The following ATRX variants were observed in gnomAD, a reference collection of about 807,000 sequenced individuals.
The protein encoded by ATRX is ATRX chromatin remodeler, also known as chromatin remodeler ATRX.
A neutral mutation model predicts 172.6 loss-of-function variants in ATRX; 12 were observed. The observed-to-expected ratio is 0.07, with a 90% CI of 0.04 to 0.11. The LOEUF (loss-of-function observed/expected upper bound fraction) is 0.11, where lower values mean the gene tolerates loss of function less well. Among genes scored for constraint, ATRX ranks in the 10% least tolerant of loss-of-function variants. The probability of loss-of-function intolerance (pLI) is 1.00; values close to 1 mark genes in which losing one functional copy is unlikely to be tolerated. For missense variants in ATRX, 1,368 were observed against 1,767.4 expected (o/e 0.77, Z 4.05); for synonymous variants, 674 against 594.7 (o/e 1.13, Z -1.94).
chrX:77,581,237 T>C (rs1274952327), intron 27 of ATRX, among the ~76,000 whole-genome samples: 2 of 111,399 alleles, frequency 1.8e-5, no homozygotes, highest in Non-Finnish European at 3.8e-5. Context: ...ACATTCAATG[T>C]AAATGGACTA....
intron 28 of ATRX, among the ~76,000 whole-genome samples, chrX:77,570,029 T>C (rs1201396385): frequency 3.6e-5 from 4 of 111,724 alleles, no homozygotes; most frequent in Non-Finnish European, 5.6e-5. Context: ...ACAGCTACAG[T>C]AATCAAGACT....
At chrX:77,669,022 G>A (rs2070407101) in intron 10 of ATRX, among the ~76,000 whole-genome samples, 1 of 111,470 alleles carries the variant, frequency 9.0e-6, no homozygotes, top group Non-Finnish European at 1.9e-5. Flanking sequence ...ATCAAGAGAA[G>A]GACCTCCTGC....
intron 1 of ATRX, among the ~76,000 whole-genome samples, chrX:77,780,720 C>A (rs1237011292): frequency 1.8e-5 from 2 of 109,218 alleles, no homozygotes; most frequent in Admixed American, 9.7e-5. Flanking sequence ...GCAGGAGGAT[C>A]GCTTAAGTCC....
intron 19 of ATRX, among the ~76,000 whole-genome samples, chrX:77,621,461 C>G (rs1409850359): frequency 9.0e-6 from 1 of 110,900 alleles, no homozygotes; most frequent in Non-Finnish European, 1.9e-5. Flanking sequence ...AGGTGCCCGC[C>G]ACCATGCCTG....
In ATRX at chrX:77,682,387, C is replaced by G. The variant is rs1557138704; in HGVS notation, c.2869G>C (p.Val957Leu). Residue 957 changes from valine to leucine, a missense_variant, in exon 9 of 35, where the codon GTA becomes CTA. Coordinates refer to ENST00000373344, the MANE Select transcript of ATRX (RefSeq NM_000489.6). ...KHLKTKTCKK[V>L]QDGLSDIAEK... ...GCAATATCAGATAAGCCATCCTGTA[C>G]TTTTTTACATGTTTTGGTTTTGAGA... 15 of 1,211,371 alleles carry G rather than the reference C, an allele frequency of 1.2e-5. No individual in the cohort carries two copies. The South Asian group carries it at 2.6e-4, about 21-fold the overall frequency.
In ATRX at chrX:77,724,116, T is replaced by C. The variant is rs1269187139; in HGVS notation, c.21-6873A>G. ...CAACATGGTGAAACCCCGTCTCCCC[T>C]AGAAACACAAAATTAGCCGGGCCTG... On this transcript the variant is annotated intron_variant, in intron 1 of 34. Transcript: ENST00000373344. Among the ~76,000 whole-genome samples, 7 of 110,106 alleles carry C rather than the reference T, an allele frequency of 6.4e-5. No individual in the cohort carries two copies. The Admixed American group carries it at 6.8e-4, about 11-fold the overall frequency.
At chrX:77,655,392 A>G (rs2069491962) in intron 13 of ATRX, among the ~76,000 whole-genome samples, 1 of 111,291 alleles carries the variant, frequency 9.0e-6, no homozygotes, top group African/African-American at 3.3e-5. Context: ...AGGCTACAAC[A>G]TGGATGAACC....
chrX:77,568,908 G>A (rs958925616), intron 28 of ATRX, among the ~76,000 whole-genome samples: 10 of 111,317 alleles, frequency 9.0e-5, no homozygotes, highest in East Asian at 2.8e-4. Flanking sequence ...ACACCTATTC[G>A]TCATAAAAAC....
At chrX:77,622,681 T>C (rs930654515) in intron 19 of ATRX, among the ~76,000 whole-genome samples, 3 of 111,499 alleles carry the variant, frequency 2.7e-5, no homozygotes, top group African/African-American at 9.8e-5. Context: ...AGGTGGGGGA[T>C]GAACTAAAGC....
At position 77,668,837 on chromosome X, in the gene ATRX, GA is replaced by G. The variant is rs782525215; in HGVS notation, c.3810-4060del. Among the ~76,000 whole-genome samples the G allele has an allele frequency of 4.2e-3, 355 of 84,009 alleles. 1 individual carries two copies. Among genetic ancestry groups the G allele is most frequent in the Non-Finnish European group, 6.6e-3 (277 of 42,031 alleles). 73.0% of individuals were successfully genotyped at this position (84,009 alleles called of 115,157 possible). ...ACACAATGACAAACAAGCAATCGGG[GA>G]AAAAAAAAAAAAAACATAGGAGAAA... is the stretch of plus-strand genomic sequence containing the variant. On this transcript the variant is annotated intron_variant, in intron 10 of 34. Coordinates refer to ENST00000373344, the MANE Select transcript of ATRX (RefSeq NM_000489.6).
intron 2 of ATRX, among the ~76,000 whole-genome samples, chrX:77,701,322 A>C (rs997827264): frequency 9.1e-6 from 1 of 110,019 alleles, no homozygotes; most frequent in African/African-American, 3.3e-5. Context: ...GACCAGCTTG[A>C]CCAATATGAT....
Position 77,574,392 on chromosome X carries a change from T to G in ATRX, c.6218-34A>C, listed in dbSNP as rs781888261. 1.2e-4 allele frequency: 124 copies of G among 1,014,238 alleles called. No homozygotes were observed. In the South Asian group the frequency reaches 2.3e-3, roughly 19 times the overall value. 83.6% of individuals were successfully genotyped at this position (1,014,238 alleles called of 1,213,427 possible). A position where few individuals can be genotyped will look rare whatever the true frequency, so the allele number is the denominator to read the frequency against. On this transcript the variant is annotated intron_variant, in intron 27 of 34. Coordinates refer to ENST00000373344, the MANE Select transcript of ATRX (RefSeq NM_000489.6). ...TTAACAAAAGAACACAAAAGGAATT[T>G]GATATATCGCTCTGCTTACTGGTAA...
chrX:77,736,190 G>C (rs1347133973), intron 1 of ATRX, among the ~76,000 whole-genome samples: 1 of 111,111 alleles, frequency 9.0e-6, no homozygotes, highest in Non-Finnish European at 1.9e-5. Context: ...CACAAGCACA[G>C]GTAACCAAAC....
intron 1 of ATRX, among the ~76,000 whole-genome samples, chrX:77,743,249 C>A (rs1307027695): frequency 1.8e-5 from 2 of 111,154 alleles, no homozygotes; most frequent in Admixed American, 9.6e-5. Flanking sequence ...AGGAACTCCG[C>A]CTGGACTGGG....
At chrX:77,663,262 G>A (rs2070026622) in intron 12 of ATRX, 120 bp downstream of exon 12, 1 of 794,468 alleles carries the variant, frequency 1.3e-6, no homozygotes, top group Admixed American at 2.3e-5. Context: ...GCCCAGGCTG[G>A]TCTTAAACTC....
At chrX:77,559,449 C>T (rs1257407016) in intron 28 of ATRX, among the ~76,000 whole-genome samples, 1 of 41,684 alleles carries the variant, frequency 2.4e-5, no homozygotes, top group Non-Finnish European at 3.7e-5. Context: ...CTTTCTTTCC[C>T]TTTTTTTTTT....
intron 14 of ATRX, 128 bp downstream of exon 14, chrX:77,653,970 T>A (rs2069411517): frequency 1.9e-6 from 1 of 527,259 alleles, no homozygotes; most frequent in African/African-American, 2.3e-5. Flanking sequence ...AACCAATCCT[T>A]CCACAAGTGT....
chrX:77,575,930 C>T (rs1557070074), intron 27 of ATRX, among the ~76,000 whole-genome samples: 1 of 111,354 alleles, frequency 9.0e-6, no homozygotes, highest in African/African-American at 3.3e-5. Flanking sequence ...TCTATTATGG[C>T]ACATAATATA....
At chrX:77,553,381 T>G (rs1430780787) in intron 30 of ATRX, among the ~76,000 whole-genome samples, 1 of 111,878 alleles carries the variant, frequency 8.9e-6, no homozygotes, top group Non-Finnish European at 1.9e-5. Flanking sequence ...CCATTTTCTT[T>G]TCTCTGATCC....
Sources: allele counts gnomAD v4.1 joint callset (sites outside exome capture counted in the v4.1 genomes callset), GRCh38; gene constraint gnomAD v4.1.1; transcripts MANE v1.5; gene names NCBI Gene and HGNC (gene_info 2026-07-23, HGNC 2026-07-21).